Variants in TMED3 observed in about 807,000 individuals in gnomAD.
TMED3 encodes transmembrane emp24 domain-containing protein 3.
TMED3 carries 9 observed loss-of-function variants against 15.0 expected under a neutral mutation model. The observed-to-expected ratio is 0.60, with a 90% CI of 0.36 to 1.04. The LOEUF is 1.04. TMED3 is among the 50% of genes least tolerant of loss of function. The pLI is 0.01. For synonymous variants in TMED3, 117 were observed against 121.4 expected (o/e 0.96, Z 0.24); for missense variants, 267 against 278.9 (o/e 0.96, Z 0.30).
chr15:79,354,641 A>T (rs2058911443), intron 2 of TMED3, among the ~76,000 whole-genome samples: 1 of 152,068 alleles, frequency 6.6e-6, no homozygotes, highest in Admixed American at 6.6e-5. Context: ...AAAAAAAAGA[A>T]AAATTCAAGG....
chr15:79,401,020 A>C (rs1345112365), intron 2 of TMED3, among the ~76,000 whole-genome samples: 1 of 152,222 alleles, frequency 6.6e-6, no homozygotes, highest in Non-Finnish European at 1.5e-5. Context: ...TGAAGATAAC[A>C]AAAATAGGAC....
At chr15:79,344,051 C>A (rs1389235909) in intron 2 of TMED3, among the ~76,000 whole-genome samples, 1 of 152,122 alleles carries the variant, frequency 6.6e-6, no homozygotes, top group Non-Finnish European at 1.5e-5. Context: ...AAACACTCGG[C>A]CTACGTAGTT....
At position 79,322,120 on chromosome 15, in the gene TMED3, C is replaced by T. The variant is rs775249412; in HGVS notation, c.560C>T (p.Thr187Met). Residue 187 changes from threonine to methionine, a missense_variant, in exon 3 of 3, where the codon ACG becomes ATG. Around this residue, in one of 3 missense-constraint regions of TMED3, gnomAD observed 139 missense variants for 125.0 expected, o/e 1.11. Transcript: ENST00000299705. ...GTCTCTTACTGGTCTGTTGGCGAGA[C>T]GATTGCCCTGTTCGTGGTCAGCTTC... ...SRVSYWSVGE[T>M]IALFVVSFSQ... 12 of 1,614,080 alleles carry T rather than the reference C, an allele frequency of 7.4e-6. No homozygotes were observed. Among genetic ancestry groups the T allele is most frequent in the Admixed American group, 3.3e-5 (2 of 60,000 alleles).
At chr15:79,402,606 C>T (rs942735889) in intron 2 of TMED3, among the ~76,000 whole-genome samples, 4 of 151,740 alleles carry the variant, frequency 2.6e-5, no homozygotes, top group Non-Finnish European at 4.4e-5. Flanking sequence ...GGTGAAACCC[C>T]GTCTTTACTA....
At chr15:79,389,197 G>A (rs1402204102) in intron 2 of TMED3, among the ~76,000 whole-genome samples, 1 of 151,990 alleles carries the variant, frequency 6.6e-6, no homozygotes, top group African/African-American at 2.4e-5. Context: ...TTCCAATGTT[G>A]TCTTCTAGAA....
intron 2 of TMED3, among the ~76,000 whole-genome samples, chr15:79,320,195 C>A (rs1318109903): frequency 6.6e-6 from 1 of 152,194 alleles, no homozygotes; most frequent in Non-Finnish European, 1.5e-5. Context: ...AGCCCTCTGG[C>A]GGCCCTGTCC....
In TMED3 at chr15:79,322,495, G is replaced by A. The variant is rs922421943; in HGVS notation, c.*281G>A. 1.6e-6 allele frequency: 2 copies of A among 1,246,094 alleles called. No homozygotes were observed. Among genetic ancestry groups the A allele is most frequent in the Admixed American group, 4.0e-5 (1 of 24,924 alleles). 77.2% of individuals were successfully genotyped at this position (1,246,094 alleles called of 1,614,324 possible). Reference sequence around the variant, plus strand: ...CACTGTGGGAGGGTGGACAGGCAATGGTTCAGTGGCCTGGCTGTTGGCAGG... The same window carrying A: ...CACTGTGGGAGGGTGGACAGGCAATAGTTCAGTGGCCTGGCTGTTGGCAGG... On this transcript the variant is annotated 3_prime_UTR_variant, in exon 3 of 3. Coordinates refer to ENST00000299705, the MANE Select transcript of TMED3 (RefSeq NM_007364.4).
At chr15:79,362,777 T>C (rs1207755612) in intron 2 of TMED3, among the ~76,000 whole-genome samples, 1 of 152,218 alleles carries the variant, frequency 6.6e-6, no homozygotes, top group African/African-American at 2.4e-5. Flanking sequence ...GACTTTGCTC[T>C]TCCTCTGTCT....
intron 2 of TMED3, among the ~76,000 whole-genome samples, chr15:79,398,234 A>G (rs1028207078): frequency 9.2e-5 from 14 of 152,050 alleles, no homozygotes; most frequent in Admixed American, 9.2e-4. Context: ...TTGGAATTAC[A>G]CAGTACGTAG....
chr15:79,380,598 T>TAGAGAG (rs1255745376), intron 2 of TMED3, among the ~76,000 whole-genome samples: 4 of 146,324 alleles, frequency 2.7e-5, no homozygotes, highest in African/African-American at 1.0e-4. Flanking sequence ...TATATATATA[T>TAGAGAG]ATAGAGAGAG....
At chr15:79,350,994 C>G (rs899762263) in intron 2 of TMED3, among the ~76,000 whole-genome samples, 2 of 152,206 alleles carry the variant, frequency 1.3e-5, no homozygotes, top group African/African-American at 4.8e-5. Flanking sequence ...TTTGTCCACT[C>G]TGGCTGCTAA....
intron 2 of TMED3, among the ~76,000 whole-genome samples, chr15:79,368,452 G>GC (rs1402499393): frequency 1.3e-5 from 2 of 152,176 alleles, no homozygotes; most frequent in Non-Finnish European, 1.5e-5. Flanking sequence ...CTTGCACACT[G>GC]TGGGAATTAT....
At chr15:79,312,778 C>T (rs1298036977) in intron 1 of TMED3, among the ~76,000 whole-genome samples, 1 of 152,144 alleles carries the variant, frequency 6.6e-6, no homozygotes, top group Non-Finnish European at 1.5e-5. Context: ...TTTTCTTCTC[C>T]TTGCATTCAG....
chr15:79,403,267 G>A (rs28367095), intron 2 of TMED3, among the ~76,000 whole-genome samples: 66,677 of 144,882 alleles, frequency 0.46, 15,902 homozygotes, highest in East Asian at 0.69. Context: ...TTTGATACAG[G>A]AGGGTCAGCA....
chr15:79,351,893 AG>A (rs1378277776), intron 2 of TMED3, among the ~76,000 whole-genome samples: 1 of 152,224 alleles, frequency 6.6e-6, no homozygotes, highest in African/African-American at 2.4e-5. Flanking sequence ...CAGCCATAAA[AG>A]GAACAAAATA....
chr15:79,353,491 A>G (rs1253629990), intron 2 of TMED3, among the ~76,000 whole-genome samples: 2 of 147,758 alleles, frequency 1.4e-5, no homozygotes, highest in Admixed American at 1.4e-4. Context: ...CCCAATGACT[A>G]TGGCAACAAA....
chr15:79,394,783 A>G (rs993521073), intron 2 of TMED3, among the ~76,000 whole-genome samples: 5 of 152,234 alleles, frequency 3.3e-5, no homozygotes, highest in African/African-American at 1.2e-4. Flanking sequence ...TTAACACAGT[A>G]TCCTATTTTA....
exon 3 of TMED3, chr15:79,411,962 C>G (rs2141261714): frequency 1.3e-5 from 2 of 158,188 alleles, no homozygotes; most frequent in Non-Finnish European, 2.8e-5. Flanking sequence ...CTGAGCACCC[C>G]TTGGTTTTCT....
chr15:79,346,397 G>C (rs142288905), intron 2 of TMED3, among the ~76,000 whole-genome samples: 8 of 152,252 alleles, frequency 5.3e-5, no homozygotes, highest in African/African-American at 1.7e-4. Context: ...CCACCATCCT[G>C]TTCTCATGAT....
Sources: allele counts gnomAD v4.1 joint callset (sites outside exome capture counted in the v4.1 genomes callset), GRCh38; gene constraint gnomAD v4.1.1; regional missense constraint gnomAD v4.1.1; transcripts MANE v1.5; gene names NCBI Gene and HGNC (gene_info 2026-07-23, HGNC 2026-07-21).